Variants in GPAM observed in about 807,000 individuals in gnomAD.
GPAM encodes glycerol-3-phosphate acyltransferase 1, mitochondrial.
In GPAM, 56 loss-of-function variants were observed where a neutral mutation model predicts 105.0. The ratio of observed to expected loss-of-function variants is 0.53; its 90% CI spans 0.43 to 0.67. GPAM has a LOEUF of 0.67. Ranked by LOEUF, GPAM falls within the 30% of genes least tolerant of loss-of-function variation. GPAM has a pLI of 0.00. For synonymous variants in GPAM, 368 were observed against 354.4 expected, an observed-to-expected ratio of 1.04 and a Z score of -0.43; for missense variants, 855 against 989.8, an observed-to-expected ratio of 0.86 and a Z score of 1.83.
intron 3 of GPAM, among the ~76,000 whole-genome samples, chr10:112,181,185 CA>C (rs1284134123): frequency 4.1e-4 from 52 of 125,802 alleles, no homozygotes; most frequent in Admixed American, 1.0e-3. Context: ...CAAAATTAAG[CA>C]AAAAAAAAAA....
At chr10:112,184,634 G>A (rs1360587744), upstream of GPAM, among the ~76,000 whole-genome samples, 3 of 152,182 alleles carry the variant, frequency 2.0e-5, no homozygotes, top group Non-Finnish European at 4.4e-5. Context: ...TTTAAACGTT[G>A]TGCTGGACAG....
intron 5 of GPAM, among the ~76,000 whole-genome samples, chr10:112,176,102 A>G (rs1195404197): frequency 6.6e-6 from 1 of 152,250 alleles, no homozygotes; most frequent in Non-Finnish European, 1.5e-5. Flanking sequence ...TGGGCTATAA[A>G]AAGATAAATT....
chr10:112,224,928 A>G, the GPAM span, among the ~76,000 whole-genome samples: 1,056 of 152,266 alleles, frequency 6.9e-3, 12 homozygotes, highest in African/African-American at 0.024. Context: ...AAACAACAAT[A>G]ATCCCAGACC....
chr10:112,171,712 G>A (rs1482831052), intron 9 of GPAM, among the ~76,000 whole-genome samples: 1 of 152,190 alleles, frequency 6.6e-6, no homozygotes, highest in Non-Finnish European at 1.5e-5. Flanking sequence ...TTCAAAAGGT[G>A]AAAACCTCTA....
upstream of GPAM, among the ~76,000 whole-genome samples, chr10:112,185,002 T>C (rs1847574730): frequency 1.3e-5 from 2 of 152,018 alleles, no homozygotes; most frequent in Admixed American, 1.3e-4. Flanking sequence ...CAAGGCAGAG[T>C]AGAAAGATAC....
intron 9 of GPAM, among the ~76,000 whole-genome samples, chr10:112,169,706 C>A (rs2133248874): frequency 6.6e-6 from 1 of 152,292 alleles, no homozygotes; most frequent in South Asian, 2.1e-4. Context: ...AACCCCGGGG[C>A]CACGGACCAA....
rs555873263 is a variant in GPAM at position 112,157,367 on chromosome 10, C to A, written c.2003G>T (p.Ser668Ile). Reference sequence around the variant, plus strand: ...CCACTGCTGCTCAGCAAGACTAGGACTGATATCTTCCTGGTCATCGTGCTA... The same window carrying A: ...CCACTGCTGCTCAGCAAGACTAGGAATGATATCTTCCTGGTCATCGTGCTA... ...VAEHDDQEDI[S>I]PSLAEQQWDK... is the part of the protein sequence containing the mutation. The change falls in exon 19 of 22, where the codon AGT becomes ATT. Residue 668 changes from serine to isoleucine, a missense_variant. By Grantham distance (142) the Ser-to-Ile change is moderately radical. Transcript: ENST00000348367. The A allele has an allele frequency of 3.1e-6, 5 of 1,613,660 alleles. No homozygotes were observed. Among genetic ancestry groups the A allele is most frequent in the Non-Finnish European group, 4.2e-6 (5 of 1,179,566 alleles).
Position 112,153,439 on chromosome 10 carries a change from G to T in GPAM, c.*111C>A. The T allele has an allele frequency of 6.3e-7, 1 of 1,598,838 alleles. No individual in the cohort carries two copies. The highest frequency in any genetic ancestry group is 1.7e-5 in the Admixed American group (1 of 59,826). On this transcript the variant is annotated 3_prime_UTR_variant, in exon 22 of 22. Transcript: ENST00000348367. ...ACTTGTCTTCCAGGAGATCACTTCGGGACAGGGCAGGCCTGACCCTGCGAT... is the reference window on the plus strand; with the variant it reads ...ACTTGTCTTCCAGGAGATCACTTCGTGACAGGGCAGGCCTGACCCTGCGAT...
At position 112,183,756 on chromosome 10, in the gene GPAM, G is replaced by A. The variant is rs1239586850; in HGVS notation, c.-191C>T. 1.3e-5 allele frequency: 2 copies of A among 152,272 alleles called. No individual in the cohort carries two copies. Among genetic ancestry groups the A allele is most frequent in the East Asian group, 1.9e-4 (1 of 5,186 alleles). The allele number at this position is 152,272 out of a possible 1,614,324, so 9.4% of individuals were successfully genotyped here. A position where few individuals can be genotyped will look rare whatever the true frequency, so the allele number is the denominator to read the frequency against. ...CTTCCAGTCCCGGCCAATGCCAGCT[G>A]CAGTGGCGCACCCTGATGACGCAAC... On this transcript the variant is annotated 5_prime_UTR_variant, in exon 1 of 22. Transcript: ENST00000348367.
At chr10:112,194,460 C>G (rs1408652928) in intron 1 of GPAM, among the ~76,000 whole-genome samples, 3 of 152,186 alleles carry the variant, frequency 2.0e-5, no homozygotes, top group Non-Finnish European at 4.4e-5. Flanking sequence ...TCAGGAAAAC[C>G]TTTTGTTCCT....
intron 9 of GPAM, among the ~76,000 whole-genome samples, chr10:112,169,328 T>C (rs183185521): frequency 1.8e-4 from 27 of 152,322 alleles, no homozygotes; most frequent in Admixed American, 1.0e-3. Flanking sequence ...TTCTGAAATT[T>C]GCGCATGGCA....
upstream of GPAM, among the ~76,000 whole-genome samples, chr10:112,215,690 G>A (rs1268974461): frequency 6.9e-6 from 1 of 144,986 alleles, no homozygotes; most frequent in African/African-American, 2.7e-5. Flanking sequence ...CAGGCTCCGG[G>A]CCTGGCTGTT....
intron 1 of GPAM, among the ~76,000 whole-genome samples, chr10:112,210,350 G>T (rs1462482389): frequency 6.6e-6 from 1 of 152,144 alleles, no homozygotes; most frequent in East Asian, 1.9e-4. Context: ...ATCAAACAGG[G>T]AGTTTTCAAA....
rs1015167597 is a variant in GPAM at position 112,152,288 on chromosome 10, C to G, written c.*1262G>C. On this transcript the variant is annotated 3_prime_UTR_variant, in exon 22 of 22. Coordinates refer to ENST00000348367, the MANE Select transcript of GPAM (RefSeq NM_001244949.2). ...AAATCACCATAATTACCATAATAAA[C>G]CAATAATTATGCTCCCTGCTCACAA... is the stretch of plus-strand genomic sequence containing the variant. 2.0e-6 allele frequency: 2 copies of G among 982,434 alleles called. No homozygotes were observed. Among genetic ancestry groups the G allele is most frequent in the African/African-American group, 1.7e-5 (1 of 57,150 alleles). The allele number at this position is 982,434 out of a possible 1,614,324, so 60.9% of individuals were successfully genotyped here.
chr10:112,173,040 A>C lies in GPAM; in HGVS notation c.587T>G (p.Leu196Arg). The change falls in exon 8 of 22, where the codon CTG becomes CGG. Residue 196 changes from leucine (L) to arginine (R), a missense_variant. Transcript: ENST00000348367. ...AATGTTCCAAAAGAAGCTGTTGAAC[A>C]GTTTTAGCAGCACCCACCCAGTCAG... ...IRLTGWVLLK[L>R]FNSFFWNIQI... The C allele has an allele frequency of 6.2e-7, 1 of 1,606,850 alleles. No homozygotes were observed.
At chr10:112,160,537 C>A in intron 16 of GPAM, 67 bp downstream of exon 16, 1 of 1,447,562 alleles carries the variant, frequency 6.9e-7, no homozygotes, top group East Asian at 2.3e-5. Flanking sequence ...AAGCAGATAC[C>A]ACTATGTGTT....
At chr10:112,226,364 C>T in the GPAM span, among the ~76,000 whole-genome samples, 1 of 152,074 alleles carries the variant, frequency 6.6e-6, no homozygotes, top group Non-Finnish European at 1.5e-5. Context: ...CAGAGCACAA[C>T]AATTAGAACA....
upstream of GPAM, among the ~76,000 whole-genome samples, chr10:112,216,024 C>T (rs894206254): frequency 5.9e-5 from 9 of 152,166 alleles, no homozygotes; most frequent in Middle Eastern, 3.4e-3. Context: ...GGTGTAGGGG[C>T]GAATAAAGGC....
chr10:112,193,511 G>C (rs967715110), intron 1 of GPAM, among the ~76,000 whole-genome samples: 1 of 152,200 alleles, frequency 6.6e-6, no homozygotes, highest in African/African-American at 2.4e-5. Flanking sequence ...ACAGGCAGAT[G>C]ATGGGCCCGT....
Sources: allele counts gnomAD v4.1 joint callset (sites outside exome capture counted in the v4.1 genomes callset), GRCh38; gene constraint gnomAD v4.1.1; transcripts MANE v1.5; gene names NCBI Gene and HGNC (gene_info 2026-07-23, HGNC 2026-07-21).